TRMT11: variants seen among roughly 807,000 people sequenced by gnomAD.
TRMT11 encodes tRNA (guanine(10)-N(2))-methyltransferase TRMT11.
In TRMT11, 53 loss-of-function variants were observed where a neutral mutation model predicts 62.8. That is an observed-to-expected ratio of 0.84 (90% CI 0.68 to 1.06). The LOEUF (loss-of-function observed/expected upper bound fraction) is 1.06, where lower values mean the gene tolerates loss of function less well. TRMT11 is among the 50% of genes least tolerant of loss of function. The pLI is 0.00. For missense variants in TRMT11, 556 were observed against 553.4 expected, an observed-to-expected ratio of 1.00 and a Z score of -0.05; for synonymous variants, 188 against 190.3, an observed-to-expected ratio of 0.99 and a Z score of 0.10.
intron 1 of TRMT11, among the ~76,000 whole-genome samples, chr6:125,989,852 C>T (rs1200353933): frequency 6.6e-6 from 1 of 152,198 alleles, no homozygotes; most frequent in African/African-American, 2.4e-5. Context: ...TTAGTGCTGC[C>T]AAAACTGACT....
intron 16 of TRMT11, among the ~76,000 whole-genome samples, chr6:126,051,978 G>A (rs376005719): frequency 1.1e-4 from 17 of 152,096 alleles, no homozygotes; most frequent in Admixed American, 3.3e-4. Flanking sequence ...CTTCTGTGCC[G>A]TTTTCCCCCA....
At chr6:126,161,948 A>G (rs766419353) in intron 21 of TRMT11, among the ~76,000 whole-genome samples, 1 of 148,274 alleles carries the variant, frequency 6.7e-6, no homozygotes, top group Non-Finnish European at 1.5e-5. Flanking sequence ...GTGGATATCC[A>G]TCTGGATATT....
At chr6:126,154,039 G>T (rs1218560056) in intron 21 of TRMT11, among the ~76,000 whole-genome samples, 1 of 152,118 alleles carries the variant, frequency 6.6e-6, no homozygotes, top group Admixed American at 6.5e-5. Flanking sequence ...TTCCACGTTG[G>T]TACCACTAGC....
chr6:126,084,537 T>C (rs759979841), intron 17 of TRMT11, among the ~76,000 whole-genome samples: 2 of 152,174 alleles, frequency 1.3e-5, no homozygotes, highest in South Asian at 4.1e-4. Flanking sequence ...TTGTTGGTTG[T>C]TTCCTTTACT....
the TRMT11 span, among the ~76,000 whole-genome samples, chr6:126,231,256 A>G: frequency 6.6e-6 from 1 of 152,228 alleles, no homozygotes; most frequent in Non-Finnish European, 1.5e-5. Flanking sequence ...AAAATGTCAG[A>G]ATACAGTTGA....
downstream of TRMT11, among the ~76,000 whole-genome samples, chr6:126,202,673 T>TA (rs915018348): frequency 1.9e-4 from 29 of 150,524 alleles, no homozygotes; most frequent in African/African-American, 6.1e-4. Context: ...CTTTTCAAAT[T>TA]AAAAAAAAAC....
the TRMT11 span, among the ~76,000 whole-genome samples, chr6:126,247,258 C>A: frequency 6.6e-6 from 1 of 152,064 alleles, no homozygotes; most frequent in Non-Finnish European, 1.5e-5. Context: ...CAAAGTGTAT[C>A]AACTAAACTA....
the TRMT11 span, among the ~76,000 whole-genome samples, chr6:126,247,482 T>TATCTATCTATCTATC: frequency 4.0e-5 from 6 of 148,948 alleles, no homozygotes; most frequent in Non-Finnish European, 1.5e-5. Context: ...TCTATCTATC[T>TATCTATCTATCTATC]ATCTATCTAA....
At chr6:126,251,012 GT>G in the TRMT11 span, among the ~76,000 whole-genome samples, 899 of 132,184 alleles carry the variant, frequency 6.8e-3, 4 homozygotes, top group African/African-American at 0.011. Flanking sequence ...ATCCCAATTT[GT>G]TTTTTTTTTT....
intron 21 of TRMT11, among the ~76,000 whole-genome samples, chr6:126,129,474 C>A (rs115190880): frequency 1.2e-3 from 183 of 152,166 alleles, no homozygotes; most frequent in African/African-American, 4.2e-3. Context: ...GACTCAGGAA[C>A]TTTACCGACT....
At chr6:126,106,381 G>A (rs1394355849) in intron 17 of TRMT11, among the ~76,000 whole-genome samples, 1 of 152,242 alleles carries the variant, frequency 6.6e-6, no homozygotes. Context: ...CTGGCCTCAA[G>A]TGATCTGCCT....
At chr6:126,264,117 C>A in the TRMT11 span, among the ~76,000 whole-genome samples, 5 of 152,148 alleles carry the variant, frequency 3.3e-5, no homozygotes, top group Non-Finnish European at 7.4e-5. Context: ...GGCACCAAAC[C>A]AAATGGAGCC....
intron 21 of TRMT11, among the ~76,000 whole-genome samples, chr6:126,148,645 T>C (rs1394560260): frequency 6.6e-6 from 1 of 152,190 alleles, no homozygotes; most frequent in Non-Finnish European, 1.5e-5. Flanking sequence ...GCAAAGTTTT[T>C]ATTACTAATA....
the TRMT11 span, chr6:126,258,132 T>C: frequency 2.4e-6 from 2 of 820,136 alleles, no homozygotes; most frequent in Non-Finnish European, 4.3e-6. Context: ...TTGTGTCAGC[T>C]GCTCCATGAT....
intron 17 of TRMT11, among the ~76,000 whole-genome samples, chr6:126,101,789 T>C (rs1412873440): frequency 6.6e-6 from 1 of 152,242 alleles, no homozygotes; most frequent in African/African-American, 2.4e-5. Context: ...TCTTTTGATT[T>C]CCTATTGGCA....
chr6:126,048,935 C>T (rs145014203), intron 16 of TRMT11, among the ~76,000 whole-genome samples: 1 of 152,300 alleles, frequency 6.6e-6, no homozygotes, highest in African/African-American at 2.4e-5. Context: ...ACCACTTTGG[C>T]CCTTGAAACT....
At chr6:126,031,585 C>T (rs1017471295) in intron 12 of TRMT11, among the ~76,000 whole-genome samples, 8 of 152,108 alleles carry the variant, frequency 5.3e-5, no homozygotes, top group African/African-American at 1.9e-4. Context: ...AAAATTTAAG[C>T]AAGATACAGA....
At chr6:126,193,265 A>T (rs1018155804) in intron 1 of TRMT11, among the ~76,000 whole-genome samples, 4 of 151,698 alleles carry the variant, frequency 2.6e-5, no homozygotes, top group African/African-American at 9.7e-5. Flanking sequence ...AACTGTTGTA[A>T]TGTTTCCTTT....
intron 16 of TRMT11, among the ~76,000 whole-genome samples, chr6:126,045,036 A>T (rs926346818): frequency 2.6e-5 from 4 of 152,034 alleles, no homozygotes; most frequent in Non-Finnish European, 4.4e-5. Flanking sequence ...AAATACAAAA[A>T]TTACCCAGGC....
Sources: allele counts gnomAD v4.1 joint callset (sites outside exome capture counted in the v4.1 genomes callset), GRCh38; gene constraint gnomAD v4.1.1; transcripts MANE v1.5; gene names NCBI Gene and HGNC (gene_info 2026-07-23, HGNC 2026-07-21).